Variants in MRPL54 observed in about 807,000 individuals in gnomAD.
The protein encoded by MRPL54 is mitochondrial ribosomal protein L54.
MRPL54 carries 12 observed loss-of-function variants against 15.6 expected under a neutral mutation model. That is an observed-to-expected ratio of 0.77 (90% CI 0.49 to 1.24). The LOEUF is 1.24. Among genes scored for constraint, MRPL54 ranks in the 50% most tolerant of loss-of-function variants. The pLI is 0.00. For synonymous variants in MRPL54, 91 were observed against 75.7 expected (o/e 1.20, Z -1.05); for missense variants, 178 against 186.8 (o/e 0.95, Z 0.28).
chr19:3,765,382 C>T, intron 2 of MRPL54, 51 bp downstream of exon 2: 1 of 1,578,596 alleles, frequency 6.3e-7, no homozygotes. Flanking sequence ...TTCCTCCGCC[C>T]CAGGAGGACC....
chr19:3,767,031 GGGCTT>G (rs1358557934), intron 2 of MRPL54, among the ~76,000 whole-genome samples: 1 of 152,194 alleles, frequency 6.6e-6, no homozygotes. Flanking sequence ...AGGCAGGAGA[GGGCTT>G]GGCGTGTGCC....
chr19:3,767,404 C>CCGGCAT lies in MRPL54; in HGVS notation c.*14_*19dup. 1 of 1,607,230 alleles carries CCGGCAT rather than the reference C, an allele frequency of 6.2e-7. No homozygotes were observed. Among genetic ancestry groups the CCGGCAT allele is most frequent in the Non-Finnish European group, 8.5e-7 (1 of 1,177,636 alleles). ...AACAAGAGGTTGTAGCATGGAGGGC[C>CCGGCAT]CGGCATCGCTGACCCCCACGCCGAG... On this transcript the variant is annotated 3_prime_UTR_variant, in exon 3 of 3. Transcript: ENST00000330133.
intron 1 of MRPL54, among the ~76,000 whole-genome samples, chr19:3,763,372 C>A (rs1340803268): frequency 6.6e-6 from 1 of 152,202 alleles, no homozygotes. Flanking sequence ...AGACACATAG[C>A]AGACAAAATA....
intron 1 of MRPL54, 105 bp downstream of exon 1, chr19:3,762,923 G>C (rs548129437): frequency 6.1e-6 from 6 of 982,900 alleles, no homozygotes; most frequent in Non-Finnish European, 8.8e-6. Context: ...ATGCGCAAGC[G>C]CAGAGAGGCG....
chr19:3,765,400 G>T (rs774679223), intron 2 of MRPL54, 69 bp downstream of exon 2: 5 of 1,558,618 alleles, frequency 3.2e-6, no homozygotes, highest in Non-Finnish European at 4.4e-6. Context: ...ACCCCTTCCC[G>T]GAGAGGCGGA....
Position 3,767,383 on chromosome 19 carries a change from A to G in MRPL54, c.407A>G (p.Lys136Arg). ...IWRHNRLSKNKRL is the reference protein window; with the variant it reads ...IWRHNRLSKNRRL ...CGCCACAACCGGCTGAGCAAGAACA[A>G]GAGGTTGTAGCATGGAGGGCCCGGC... Residue 136 changes from lysine to arginine, a missense_variant, in exon 3 of 3, where the codon AAG (lysine) becomes AGG (arginine). Lys to Arg is a conservative substitution (Grantham distance 26). Coordinates refer to ENST00000330133, the MANE Select transcript of MRPL54 (RefSeq NM_172251.3). The G allele has an allele frequency of 6.2e-7, 1 of 1,610,032 alleles. No homozygotes were observed. The highest frequency in any genetic ancestry group is 8.5e-7 in the Non-Finnish European group (1 of 1,178,504).
At chr19:3,765,037 AAAAAG>A in intron 1 of MRPL54, 124 bp from the exon 2 acceptor site, 3 of 1,008,392 alleles carry the variant, frequency 3.0e-6, no homozygotes, top group Non-Finnish European at 4.2e-6. Flanking sequence ...AAAAAAAAAA[AAAAAG>A]AAAGTTTTGA....
Position 3,764,524 on chromosome 19 carries a change from C to A in MRPL54, c.119-642C>A, listed in dbSNP as rs549899751. ...CCGGGTTCAAGTGATTCTCCTGCCT[C>A]AGCCTCCCGAGTAGCTGGGATCACA... On this transcript the variant is annotated intron_variant, in intron 1 of 2. Coordinates refer to ENST00000330133, the MANE Select transcript of MRPL54 (RefSeq NM_172251.3). 2.0e-4 allele frequency among the ~76,000 whole-genome samples: 30 copies of A among 152,174 alleles called. 1 individual carries two copies. The South Asian group carries it at 3.7e-3, about 19-fold the overall frequency.
Position 3,767,304 on chromosome 19 carries a change from C to G in MRPL54, c.328C>G (p.Leu110Val), listed in dbSNP as rs1258568831. Residue 110 changes from leucine to valine, a missense_variant, in exon 3 of 3, where the codon CTG (leucine) becomes GTG (valine). Physicochemically the swap from Leu to Val is conservative, Grantham distance 32. Transcript: ENST00000330133. The stretch of plus-strand genomic sequence containing the variant: ...GGGTCCCCCAAAGACCCTGGAGGAG[C>G]TGGACCCCGAGAGCCGGGAGTACTG... The part of the protein sequence containing the change: ...NLGPPKTLEE[L>V]DPESREYWRR... 2.5e-6 allele frequency: 4 copies of G among 1,612,404 alleles called. No individual in the cohort carries two copies. The South Asian group carries it at 4.4e-5, about 18-fold the overall frequency.
At chr19:3,762,928 G>A (rs7245624) in intron 1 of MRPL54, 110 bp downstream of exon 1, 574,711 of 923,360 alleles carry the variant, frequency 0.62, 180,212 homozygotes, top group East Asian at 0.7. Context: ...CAAGCGCAGA[G>A]AGGCGGATGC....
At chr19:3,764,719 ACCCTG>A (rs1254456158) in intron 1 of MRPL54, among the ~76,000 whole-genome samples, 1 of 149,116 alleles carries the variant, frequency 6.7e-6, no homozygotes, top group Non-Finnish European at 1.5e-5. Context: ...CCTGGCTGAG[ACCCTG>A]TCTTTAAAAA....
chr19:3,764,777 C>T (rs2037181657), intron 1 of MRPL54, among the ~76,000 whole-genome samples: 2 of 151,566 alleles, frequency 1.3e-5, no homozygotes, highest in Admixed American at 1.3e-4. Context: ...GCCTGTAATC[C>T]CAACACTTTG....
chr19:3,762,761 C>G lies in MRPL54; in HGVS notation c.61C>G (p.Leu21Val). 1 of 1,609,044 alleles carries G rather than the reference C, an allele frequency of 6.2e-7. No homozygotes were observed. The highest frequency in any genetic ancestry group is 1.1e-5 in the South Asian group (1 of 90,864). The change falls in exon 1 of 3, where the codon CTC (leucine) becomes GTC (valine). Residue 21 changes from leucine to valine, a missense_variant. Transcript: ENST00000330133. ...RTWAGWGAWE[L>V]LNPATSGRLL... ...GTGGGCCGGCTGGGGGGCCTGGGAG[C>G]TCCTAAACCCCGCCACTTCCGGAAG...
rs1599180191 is a variant in MRPL54, at chr19:3,762,682, A to G, written c.-19A>G. The G allele has an allele frequency of 6.2e-7, 1 of 1,608,502 alleles. No homozygotes were observed. The highest frequency in any genetic ancestry group is 1.3e-5 in the African/African-American group (1 of 74,654). On this transcript the variant is annotated 5_prime_UTR_variant, in exon 1 of 3. Coordinates refer to ENST00000330133, the MANE Select transcript of MRPL54 (RefSeq NM_172251.3). ...ACGTCTTCCGGAAACGTGCACTTGC[A>G]AGCTGCCCGCAATACGTCATGGCGA...
chr19:3,764,897 G>A (rs571688986), intron 1 of MRPL54, among the ~76,000 whole-genome samples: 6 of 151,936 alleles, frequency 3.9e-5, no homozygotes, highest in South Asian at 2.1e-4. Flanking sequence ...GCGTGGTGGT[G>A]GGCGCCTGTA....
chr19:3,767,320 G>A lies in MRPL54; in HGVS notation c.344G>A (p.Arg115Gln), dbSNP rs148002088. 5.0e-6 allele frequency: 8 copies of A among 1,611,788 alleles called. No individual in the cohort carries two copies. The highest frequency in any genetic ancestry group is 2.2e-5 in the East Asian group (1 of 44,554). ...KTLEELDPESREYWRRLRKQN... is the reference protein window; with the variant it reads ...KTLEELDPESQEYWRRLRKQN... ...CTGGAGGAGCTGGACCCCGAGAGCC[G>A]GGAGTACTGGCGGCGGCTGCGGAAA... Residue 115 changes from arginine (R) to glutamine (Q), a missense_variant, in exon 3 of 3, where the codon CGG (arginine) becomes CAG (glutamine). Physicochemically the swap from Arg to Gln is conservative, Grantham distance 43. Transcript: ENST00000330133.
At chr19:3,762,895 G>C in intron 1 of MRPL54, 77 bp downstream of exon 1, 2 of 1,247,384 alleles carry the variant, frequency 1.6e-6, no homozygotes, top group Non-Finnish European at 2.2e-6. Context: ...GGTGGTTGGG[G>C]AGGTGGTGCT....
Position 3,767,471 on chromosome 19 carries a change from A to G in MRPL54, c.*78A>G. 6.4e-7 allele frequency: 1 copy of G among 1,568,696 alleles called. No homozygotes were observed. ...GGAGGACGTGGACTTTTGTGAGACA[A>G]GAGGCGGCTCCCCAGCCTGGGTTTC... is the stretch of plus-strand genomic sequence containing the variant. On this transcript the variant is annotated 3_prime_UTR_variant, in exon 3 of 3. Transcript: ENST00000330133.
Position 3,767,469 on chromosome 19 carries a change from C to G in MRPL54, c.*76C>G. The G allele has an allele frequency of 6.4e-7, 1 of 1,568,012 alleles. No individual in the cohort carries two copies. The highest frequency in any genetic ancestry group is 1.2e-5 in the South Asian group (1 of 86,064). ...CCGGAGGACGTGGACTTTTGTGAGA[C>G]AAGAGGCGGCTCCCCAGCCTGGGTT... On this transcript the variant is annotated 3_prime_UTR_variant, in exon 3 of 3. Transcript: ENST00000330133.
Sources: allele counts gnomAD v4.1 joint callset (sites outside exome capture counted in the v4.1 genomes callset), GRCh38; gene constraint gnomAD v4.1.1; transcripts MANE v1.5; gene names NCBI Gene and HGNC (gene_info 2026-07-23, HGNC 2026-07-21).